FRMD3: variants seen among roughly 807,000 people sequenced by gnomAD.
FRMD3 encodes FERM domain containing 3, also known as FERM domain-containing protein 3.
In FRMD3, 33 loss-of-function variants were observed where a neutral mutation model predicts 70.2. That is an observed-to-expected ratio of 0.47 (90% CI 0.36 to 0.63). FRMD3 has a LOEUF of 0.63. FRMD3 is among the 20% of genes least tolerant of loss of function. The probability of loss-of-function intolerance (pLI) is 0.00; values close to 1 mark genes in which losing one functional copy is unlikely to be tolerated. For missense variants in FRMD3, 632 were observed against 711.4 expected (o/e 0.89, Z 1.27); for synonymous variants, 279 against 255.9 (o/e 1.09, Z -0.86).
At chr9:83,409,008 C>T (rs1347305738) in intron 1 of FRMD3, among the ~76,000 whole-genome samples, 1 of 152,146 alleles carries the variant, frequency 6.6e-6, no homozygotes, top group Non-Finnish European at 1.5e-5. Flanking sequence ...CCAGGCAGCT[C>T]AAAGAATGCT....
intron 1 of FRMD3, among the ~76,000 whole-genome samples, chr9:83,499,255 C>T (rs1163857120): frequency 1.3e-5 from 2 of 152,142 alleles, no homozygotes; most frequent in Non-Finnish European, 2.9e-5. Flanking sequence ...GCTGCAATCT[C>T]ACCACACTGA....
chr9:83,567,622 T>A, the FRMD3 span, among the ~76,000 whole-genome samples: 1 of 152,164 alleles, frequency 6.6e-6, no homozygotes, highest in African/African-American at 2.4e-5. Context: ...TGCTTAGAAA[T>A]TTCTTCTGCC....
rs1009260806 is a variant in FRMD3 at position 83,538,283 on chromosome 9, G to C, written c.-52C>G. 5.3e-6 allele frequency: 8 copies of C among 1,519,336 alleles called. No homozygotes were observed. Among genetic ancestry groups the C allele is most frequent in the Admixed American group, 2.0e-5 (1 of 49,828 alleles). The allele number at this position is 1,519,336 out of a possible 1,614,324, so 94.1% of individuals were successfully genotyped here. A position where few individuals can be genotyped will look rare whatever the true frequency, so the allele number is the denominator to read the frequency against. The stretch of plus-strand genomic sequence containing the variant: ...GAGGCTCAGGGCCGGCGCGGTGCTC[G>C]CCTGCGCGGACACACACGCTCGCAC... On this transcript the variant is annotated 5_prime_UTR_variant, in exon 1 of 14. Transcript: ENST00000304195. The surrounding 1 kb of genome is among the most constrained non-coding windows in gnomAD (Gnocchi z 4.7).
At chr9:83,250,747 G>A (rs1449122931) in intron 13 of FRMD3, among the ~76,000 whole-genome samples, 10 of 152,190 alleles carry the variant, frequency 6.6e-5, no homozygotes, top group Non-Finnish European at 1.5e-4. Context: ...CCAGATTGTG[G>A]CTGGACAGCT....
At chr9:83,560,719 T>A in the FRMD3 span, among the ~76,000 whole-genome samples, 1 of 152,208 alleles carries the variant, frequency 6.6e-6, no homozygotes, top group Non-Finnish European at 1.5e-5. Context: ...ACTAACTTCT[T>A]ACCAATGAAA....
At chr9:83,435,754 A>G (rs1827115423) in intron 1 of FRMD3, among the ~76,000 whole-genome samples, 1 of 152,090 alleles carries the variant, frequency 6.6e-6, no homozygotes, top group African/African-American at 2.4e-5. Flanking sequence ...TTTAAAATTG[A>G]GATGTTTTTA....
intron 13 of FRMD3, among the ~76,000 whole-genome samples, chr9:83,254,273 AAAT>A (rs1267368474): frequency 6.6e-6 from 1 of 152,170 alleles, no homozygotes; most frequent in Admixed American, 6.5e-5. Context: ...ATAATAAAAA[AAAT>A]AATAAAAGAA....
intron 1 of FRMD3, among the ~76,000 whole-genome samples, chr9:83,503,792 G>A (rs1026264254): frequency 6.6e-6 from 1 of 152,220 alleles, no homozygotes; most frequent in African/African-American, 2.4e-5. Context: ...CAGCCAAGTG[G>A]GCCAGATGAG....
intron 3 of FRMD3, 86 bp from the exon 4 acceptor site, chr9:83,349,843 G>T: frequency 2.0e-6 from 2 of 989,180 alleles, no homozygotes; most frequent in South Asian, 1.4e-5. Flanking sequence ...CGTGCAGCCT[G>T]ACAGACTAGC....
intron 3 of FRMD3, among the ~76,000 whole-genome samples, chr9:83,367,716 C>A (rs1328486276): frequency 2.0e-5 from 3 of 152,164 alleles, no homozygotes; most frequent in African/African-American, 7.2e-5. Context: ...TGGAAAATCT[C>A]AAGCCTAATT....
the FRMD3 span, among the ~76,000 whole-genome samples, chr9:83,549,945 A>G: frequency 5.3e-5 from 8 of 152,012 alleles, no homozygotes; most frequent in African/African-American, 1.9e-4. Flanking sequence ...CAGAAGCTCT[A>G]AAGTTTAATT....
At chr9:83,285,865 C>G (rs1834188099) in intron 13 of FRMD3, among the ~76,000 whole-genome samples, 1 of 152,228 alleles carries the variant, frequency 6.6e-6, no homozygotes, top group African/African-American at 2.4e-5. Flanking sequence ...TGGCACTCTT[C>G]AAATGGTTTG....
At chr9:83,283,544 A>T (rs34808298) in intron 13 of FRMD3, among the ~76,000 whole-genome samples, 7 of 14,986 alleles carry the variant, frequency 4.7e-4, no homozygotes, top group Non-Finnish European at 3.3e-3. Flanking sequence ...AAAAAAAAAA[A>T]AAAATAATAA....
intron 3 of FRMD3, among the ~76,000 whole-genome samples, chr9:83,365,432 T>C (rs1587776990): frequency 6.6e-6 from 1 of 152,240 alleles, no homozygotes; most frequent in Non-Finnish European, 1.5e-5. Flanking sequence ...TAAATAATAG[T>C]ACTTTTTCCC....
At chr9:83,451,308 A>T (rs900149340) in intron 1 of FRMD3, among the ~76,000 whole-genome samples, 14 of 152,168 alleles carry the variant, frequency 9.2e-5, no homozygotes, top group African/African-American at 3.1e-4. Context: ...GTAAATTTAA[A>T]AAAAGAAGAA....
chr9:83,349,250 G>A (rs964649217), intron 4 of FRMD3, among the ~76,000 whole-genome samples: 2 of 152,058 alleles, frequency 1.3e-5, no homozygotes, highest in Admixed American at 6.6e-5. Flanking sequence ...CCTCCCAGTC[G>A]GTCATTCAGC....
chr9:83,499,266 C>G (rs2131509979), intron 1 of FRMD3, among the ~76,000 whole-genome samples: 1 of 152,240 alleles, frequency 6.6e-6, no homozygotes, highest in East Asian at 1.9e-4. Context: ...ACCACACTGA[C>G]AAGAAGATGA....
Position 83,343,296 on chromosome 9 carries a change from CA to C in FRMD3, c.375-10del. On this transcript the variant is annotated splice_polypyrimidine_tract_variant and intron_variant, in intron 4 of 13. Coordinates refer to ENST00000304195, the MANE Select transcript of FRMD3 (RefSeq NM_174938.6). ...GAAGGTATAAAAGGTATCTGCAATA[CA>C]AAAGGAGAAATGGTCACTCTAACTT... The C allele has an allele frequency of 6.3e-7, 1 of 1,584,222 alleles. No homozygotes were observed. Among genetic ancestry groups the C allele is most frequent in the East Asian group, 2.2e-5 (1 of 44,762 alleles).
the FRMD3 span, among the ~76,000 whole-genome samples, chr9:83,560,270 G>A: frequency 1.3e-4 from 20 of 152,086 alleles, no homozygotes; most frequent in African/African-American, 1.9e-4. Flanking sequence ...TTTGGCCACC[G>A]GAATTTAAGT....
Sources: allele counts gnomAD v4.1 joint callset (sites outside exome capture counted in the v4.1 genomes callset), GRCh38; gene constraint gnomAD v4.1.1; non-coding constraint Gnocchi (gnomAD v3.1); transcripts MANE v1.5; gene names NCBI Gene and HGNC (gene_info 2026-07-23, HGNC 2026-07-21).